Variants in PPP2R5C observed in about 807,000 individuals in gnomAD.
The protein encoded by PPP2R5C is serine/threonine-protein phosphatase 2A 56 kDa regulatory subunit gamma isoform.
In PPP2R5C, 7 loss-of-function variants were observed where a neutral mutation model predicts 68.9. The ratio of observed to expected loss-of-function variants is 0.10; its 90% CI spans 0.06 to 0.19. PPP2R5C has a LOEUF of 0.19. Among genes scored for constraint, PPP2R5C ranks in the 10% least tolerant of loss-of-function variants. The pLI is 1.00. For missense variants in PPP2R5C, 348 were observed against 641.3 expected, an observed-to-expected ratio of 0.54 and a Z score of 4.94; for synonymous variants, 210 against 222.2, an observed-to-expected ratio of 0.95 and a Z score of 0.49.
upstream of PPP2R5C, among the ~76,000 whole-genome samples, chr14:101,807,609 C>T (rs989709125): frequency 1.3e-5 from 2 of 152,166 alleles, no homozygotes; most frequent in African/African-American, 4.8e-5. Flanking sequence ...CAGAAGTACA[C>T]CTTACCTTTA....
intron 2 of PPP2R5C, chr14:101,765,539 G>T: frequency 3.1e-6 from 1 of 317,562 alleles, no homozygotes. Context: ...AATTTAAATA[G>T]GCTTGACATT....
intron 3 of PPP2R5C, among the ~76,000 whole-genome samples, chr14:101,802,321 A>G (rs2038897665): frequency 6.6e-6 from 1 of 152,160 alleles, no homozygotes; most frequent in South Asian, 2.1e-4. Flanking sequence ...CTGAGGCAGG[A>G]GAATCGCTTG....
In PPP2R5C at chr14:101,899,286, C is replaced by T. The variant is rs1048783445; in HGVS notation, c.853-2433C>T. Among the ~76,000 whole-genome samples the T allele has an allele frequency of 6.6e-6, 1 of 152,246 alleles. No homozygotes were observed. The highest frequency in any genetic ancestry group is 6.5e-5 in the Admixed American group (1 of 15,292). On this transcript the variant is annotated intron_variant, in intron 8 of 13. Transcript: ENST00000334743. This position sits in a 1 kb window ranked among gnomAD's most constrained non-coding sequence, Gnocchi z 4.2. Reference sequence around the variant, plus strand: ...GGCATAGTAGCGGCTCTCCTTTCTCCTTGGTCTACCAGGACAGGAAGGGGG... The same window carrying T: ...GGCATAGTAGCGGCTCTCCTTTCTCTTTGGTCTACCAGGACAGGAAGGGGG...
At chr14:101,870,764 T>C (rs2476522) in intron 2 of PPP2R5C, among the ~76,000 whole-genome samples, 52,006 of 152,136 alleles carry the variant, frequency 0.34, 11,267 homozygotes, top group African/African-American at 0.61. Flanking sequence ...CTTTGCAGCC[T>C]ATGTACACAG....
At chr14:101,900,458 G>A (rs12893074) in intron 8 of PPP2R5C, among the ~76,000 whole-genome samples, 3,392 of 152,320 alleles carry the variant, frequency 0.022, 68 homozygotes, top group Non-Finnish European at 0.03. Context: ...CACAAGAGTC[G>A]GGTAGAAGCC....
rs1206226417 is a variant in PPP2R5C, at chr14:101,781,407, C to CGCGCACAGCGTGGGGCACA, written c.94-4609_94-4608insGCACAGCGTGGGGCACAGC. The stretch of plus-strand genomic sequence containing the variant: ...CCTGAGCCGCTAGGCTGCCAAGGCG[C>CGCGCACAGCGTGGGGCACA]GCTGTGCGCGTGGGGCCAGGCTCGA... On this transcript the variant is annotated intron_variant, in intron 2 of 14. Coordinates refer to the PPP2R5C transcript ENST00000328724. This position sits in a 1 kb window ranked among gnomAD's most constrained non-coding sequence, Gnocchi z 6.4. Among the ~76,000 whole-genome samples, 1 of 152,168 alleles carries CGCGCACAGCGTGGGGCACA rather than the reference C, an allele frequency of 6.6e-6. No homozygotes were observed. The highest frequency in any genetic ancestry group is 1.5e-5 in the Non-Finnish European group (1 of 68,008).
chr14:101,820,392 C>G (rs1255450234), intron 1 of PPP2R5C: 1 of 152,210 alleles, frequency 6.6e-6, no homozygotes, highest in African/African-American at 2.4e-5. Flanking sequence ...ACACCACATG[C>G]AGCAGTGTGT....
chr14:101,888,413 A>T lies in PPP2R5C; in HGVS notation c.630-1824A>T, dbSNP rs958798826. Among the ~76,000 whole-genome samples the T allele has an allele frequency of 1.3e-5, 2 of 151,996 alleles. No individual in the cohort carries two copies. Among genetic ancestry groups the T allele is most frequent in the African/African-American group, 4.8e-5 (2 of 41,368 alleles). On this transcript the variant is annotated intron_variant, in intron 5 of 13. Transcript: ENST00000334743. The surrounding 1 kb of genome is among the most constrained non-coding windows in gnomAD (Gnocchi z 5.6). Reference sequence around the variant, plus strand: ...GTGCGAGCATTTTCTGTTTCTTGTCATGGCACCAGTGTCGTTCCTGTCACC... The same window carrying T: ...GTGCGAGCATTTTCTGTTTCTTGTCTTGGCACCAGTGTCGTTCCTGTCACC...
chr14:101,761,139 G>C (rs2036503934), upstream of PPP2R5C, among the ~76,000 whole-genome samples: 1 of 151,894 alleles, frequency 6.6e-6, no homozygotes, highest in African/African-American at 2.4e-5. Context: ...ACTGCCGCTC[G>C]CTCGGTTCCC....
intron 1 of PPP2R5C, chr14:101,819,336 C>T (rs527463540): frequency 3.6e-5 from 15 of 416,262 alleles, no homozygotes; most frequent in Admixed American, 2.6e-4. Context: ...TTTGCAAGGC[C>T]GTCACTGCCT....
intron 2 of PPP2R5C, among the ~76,000 whole-genome samples, chr14:101,778,043 T>C (rs1294673673): frequency 6.6e-6 from 1 of 152,192 alleles, no homozygotes; most frequent in Non-Finnish European, 1.5e-5. Flanking sequence ...GTGCTGGGGT[T>C]AGAGGCATGA....
At chr14:101,901,977 C>T in intron 9 of PPP2R5C, 88 bp downstream of exon 11, 1 of 1,430,028 alleles carries the variant, frequency 7.0e-7, no homozygotes, top group Non-Finnish European at 9.6e-7. Flanking sequence ...CATGCTTTGC[C>T]TCTCATGCAA....
intron 6 of PPP2R5C, among the ~76,000 whole-genome samples, 168 bp from the exon 9 acceptor site, chr14:101,892,827 GCCGCC>G (rs538582695): frequency 1.3e-4 from 19 of 151,880 alleles, no homozygotes; most frequent in Non-Finnish European, 2.4e-4. Flanking sequence ...AGATGATCCT[GCCGCC>G]TCAGCCTCCC....
chr14:101,792,766 G>GT (rs1235198078), intron 3 of PPP2R5C, among the ~76,000 whole-genome samples: 1 of 151,418 alleles, frequency 6.6e-6, no homozygotes, highest in African/African-American at 2.4e-5. Context: ...GTTTGTTTTT[G>GT]TTTTTTTACA....
At position 101,917,827 on chromosome 14, in the gene PPP2R5C, G is replaced by A. The variant is rs996188858; in HGVS notation, c.1327-4G>A. On this transcript the variant is annotated splice_region_variant and splice_polypyrimidine_tract_variant and intron_variant, in intron 12 of 13. Coordinates refer to ENST00000334743, the Ensembl canonical transcript of PPP2R5C. The surrounding 1 kb of genome is among the most constrained non-coding windows in gnomAD (Gnocchi z 4.4). ...ACAGAGCGACTCCACGCTTTGCATT[G>A]CAGTACACAGTGTATAGTCAAGCCA... is the stretch of plus-strand genomic sequence containing the variant. 23 of 1,613,280 alleles carry A rather than the reference G, an allele frequency of 1.4e-5. No homozygotes were observed. In the Admixed American group the frequency reaches 2.7e-4, roughly 19 times the overall value.
chr14:101,878,887 CACAT>C (rs1194984390), intron 2 of PPP2R5C, among the ~76,000 whole-genome samples: 1 of 152,256 alleles, frequency 6.6e-6, no homozygotes. Context: ...GCCGGGTTGA[CACAT>C]ACGGCCAGCT....
upstream of PPP2R5C, among the ~76,000 whole-genome samples, chr14:101,806,421 C>T (rs1266303279): frequency 6.6e-6 from 1 of 152,128 alleles, no homozygotes; most frequent in Non-Finnish European, 1.5e-5. Flanking sequence ...CATCCATGTC[C>T]CTACAAAAGA....
Position 101,890,054 on chromosome 14 carries a change from A to G in PPP2R5C, c.630-183A>G, listed in dbSNP as rs1300894534. ...AGACCAAGTTCTCTGCCCTCGAGGC[A>G]TTTACAGCTGCAGGCCTTGAGGAGT... On this transcript the variant is annotated intron_variant, in intron 5 of 13. Coordinates refer to ENST00000334743, the Ensembl canonical transcript of PPP2R5C. 2.7e-5 allele frequency: 19 copies of G among 697,080 alleles called. No homozygotes were observed. In the East Asian group the frequency reaches 4.7e-4, roughly 17 times the overall value. 43.2% of individuals were successfully genotyped at this position (697,080 alleles called of 1,614,324 possible).
intron 8 of PPP2R5C, among the ~76,000 whole-genome samples, chr14:101,898,564 A>C (rs2045496139): frequency 1.3e-5 from 2 of 152,366 alleles, no homozygotes; most frequent in South Asian, 2.1e-4. Context: ...CCTGTCTAAA[A>C]GAGGGCAAGA....
Sources: gnomAD v4.1 joint callset for allele counts (sites outside exome capture counted in the v4.1 genomes callset) on GRCh38, gnomAD v4.1.1 for gene constraint, Gnocchi (gnomAD v3.1) non-coding constraint, MANE v1.5 for transcripts, NCBI Gene and HGNC (gene_info 2026-07-23, HGNC 2026-07-21) for gene names.